VAC14: variants seen among roughly 807,000 people sequenced by gnomAD.
VAC14 encodes the protein protein VAC14 homolog.
VAC14 carries 47 observed loss-of-function variants against 85.3 expected under a neutral mutation model. The observed-to-expected ratio is 0.55, with a 90% confidence interval of 0.44 to 0.70. VAC14 has a LOEUF of 0.70. Ranked by LOEUF, VAC14 falls within the 30% of genes least tolerant of loss-of-function variation. VAC14 has a pLI of 0.00. For synonymous variants in VAC14, 447 were observed against 430.5 expected, an observed-to-expected ratio of 1.04 and a Z score of -0.47; for missense variants, 861 against 1,004.3, an observed-to-expected ratio of 0.86 and a Z score of 1.93.
At chr16:70,748,381 G>T (rs2031089843) in intron 12 of VAC14, among the ~76,000 whole-genome samples, 1 of 152,230 alleles carries the variant, frequency 6.6e-6, no homozygotes, top group Non-Finnish European at 1.5e-5. Context: ...GATAATACAG[G>T]GCGGGTGCCA....
intron 13 of VAC14, among the ~76,000 whole-genome samples, chr16:70,732,699 G>A (rs1197100286): frequency 1.3e-5 from 2 of 151,662 alleles, no homozygotes; most frequent in Admixed American, 6.6e-5. Flanking sequence ...CTGGAGTGCA[G>A]TGGTGTGATC....
intron 9 of VAC14, among the ~76,000 whole-genome samples, chr16:70,780,258 G>C (rs1315283794): frequency 6.6e-6 from 1 of 152,074 alleles, no homozygotes; most frequent in African/African-American, 2.4e-5. Context: ...GCACTTATTT[G>C]GGCAAGAGAA....
At chr16:70,793,101 G>A (rs2034407065) in intron 1 of VAC14, among the ~76,000 whole-genome samples, 1 of 152,108 alleles carries the variant, frequency 6.6e-6, no homozygotes, top group South Asian at 2.1e-4. Context: ...CAATTCCCTT[G>A]TGCAGAACTA....
chr16:70,692,835 C>T lies in VAC14; in HGVS notation c.2172G>A (p.Glu724=), dbSNP rs116408995. The part of the protein sequence containing the change: ...SHRLQCVPNP[E]LLQTEDSLKA... Reference sequence around the variant, plus strand: ...CCGGCACTCACTCGGTCTGCAGCAGCTCAGGGTTGGGCACGCACTGGAGCC... The same window carrying T: ...CCGGCACTCACTCGGTCTGCAGCAGTTCAGGGTTGGGCACGCACTGGAGCC... The change falls in exon 18 of 19, where the codon GAG becomes GAA. Residue 724 remains glutamate (E), a synonymous_variant. Coordinates refer to ENST00000261776, the MANE Select transcript of VAC14 (RefSeq NM_018052.5). 2,837 of 1,600,850 alleles carry T rather than the reference C, an allele frequency of 1.8e-3. 37 individuals carry two copies. In the African/African-American group the frequency reaches 0.033, roughly 19 times the overall value.
At chr16:70,748,002 G>A (rs113876038) in intron 12 of VAC14, 3,130 of 151,592 alleles carry the variant, frequency 0.021, 91 homozygotes, top group African/African-American at 0.07. Flanking sequence ...GGCTGTCCTC[G>A]CTCCCGGCCA....
At chr16:70,734,622 G>C (rs775722258) in intron 13 of VAC14, among the ~76,000 whole-genome samples, 1 of 152,148 alleles carries the variant, frequency 6.6e-6, no homozygotes, top group Non-Finnish European at 1.5e-5. Flanking sequence ...TATATACAGT[G>C]TGAGGAAAGG....
intron 9 of VAC14, chr16:70,778,400 A>G (rs1313031661): frequency 6.6e-6 from 1 of 152,062 alleles, no homozygotes; most frequent in African/African-American, 2.4e-5. Flanking sequence ...GTTGGGTTCT[A>G]ATTTAGAGGA....
intron 9 of VAC14, among the ~76,000 whole-genome samples, chr16:70,778,112 C>T (rs1309207564): frequency 6.6e-6 from 1 of 152,182 alleles, no homozygotes; most frequent in Non-Finnish European, 1.5e-5. Context: ...AAATCCAGAG[C>T]CAAGAGGCAT....
At chr16:70,690,132 G>T in intron 18 of VAC14, 1 of 985,752 alleles carries the variant, frequency 1.0e-6, no homozygotes, top group Admixed American at 6.1e-5. Context: ...GTGTGGCAGG[G>T]TTGGTCGGGG....
chr16:70,745,405 C>G (rs906068597), intron 12 of VAC14, among the ~76,000 whole-genome samples: 1 of 152,116 alleles, frequency 6.6e-6, no homozygotes, highest in Non-Finnish European at 1.5e-5. Context: ...GGCAGGGCGG[C>G]AAAGTCCAGC....
At chr16:70,798,397 G>C (rs565544539) in intron 1 of VAC14, among the ~76,000 whole-genome samples, 4 of 152,050 alleles carry the variant, frequency 2.6e-5, no homozygotes, top group Non-Finnish European at 4.4e-5. Context: ...GTTTGCTGAG[G>C]GTCACTTTGA....
At chr16:70,763,153 G>T in intron 10 of VAC14, 128 bp from the exon 11 acceptor site, 2 of 1,364,910 alleles carry the variant, frequency 1.5e-6, no homozygotes, top group Non-Finnish European at 2.0e-6. Flanking sequence ...AGGGGGATCG[G>T]GGGTCAGGGA....
intron 10 of VAC14, chr16:70,770,723 C>T (rs771722327): frequency 6.6e-6 from 1 of 152,238 alleles, no homozygotes; most frequent in African/African-American, 2.4e-5. Flanking sequence ...ATTCAGGGGC[C>T]AGCTCTTATC....
intron 13 of VAC14, among the ~76,000 whole-genome samples, chr16:70,732,989 A>T (rs1246172645): frequency 6.6e-6 from 1 of 152,152 alleles, no homozygotes; most frequent in African/African-American, 2.4e-5. Context: ...CTTTATTGAG[A>T]TATCATCCAT....
At position 70,780,838 on chromosome 16, in the gene VAC14, C is replaced by G. The variant is rs1362329601; in HGVS notation, c.1048G>C (p.Glu350Gln). ...GGCAGGGCATCGTCAGGGGTGGGCT[C>G]TGCCTGCCTCTGCCCAGGTCTCAGC... ...DELRPGQRQAEPTPDDALPKQ... is the reference protein window; with the variant it reads ...DELRPGQRQAQPTPDDALPKQ... The change falls in exon 9 of 19, where the codon GAG becomes CAG. Residue 350 changes from glutamate to glutamine, a missense_variant. Physicochemically the swap from Glu to Gln is conservative, Grantham distance 29. Around this residue, in one of 3 missense-constraint regions of VAC14, gnomAD observed 629 missense variants for 703.1 expected, o/e 0.89. Transcript: ENST00000261776. The G allele has an allele frequency of 6.2e-7, 1 of 1,613,332 alleles. No individual in the cohort carries two copies. Among genetic ancestry groups the G allele is most frequent in the South Asian group, 1.1e-5 (1 of 91,046 alleles).
In VAC14 at chr16:70,736,600, C is replaced by T. The variant is rs190666704; in HGVS notation, c.1529-4973G>A. Among the ~76,000 whole-genome samples the T allele has an allele frequency of 2.0e-5, 3 of 152,324 alleles. No homozygotes were observed. In the East Asian group the frequency reaches 5.8e-4, roughly 29 times the overall value. On this transcript the variant is annotated intron_variant, in intron 13 of 18. Coordinates refer to ENST00000261776, the MANE Select transcript of VAC14 (RefSeq NM_018052.5). The stretch of plus-strand genomic sequence containing the variant: ...ACTCTGAACTCCTTAGCCACAGCCC[C>T]TAGTGTGGACCCAAAATGGACTCTC...
chr16:70,703,029 A>C (rs1444741176), intron 14 of VAC14, among the ~76,000 whole-genome samples: 3 of 152,198 alleles, frequency 2.0e-5, no homozygotes, highest in Admixed American at 6.5e-5. Flanking sequence ...GACTTCCAGA[A>C]CCTGAGTTCT....
chr16:70,757,134 C>T (rs1003970497), intron 12 of VAC14, among the ~76,000 whole-genome samples: 6 of 152,138 alleles, frequency 3.9e-5, no homozygotes, highest in Non-Finnish European at 8.8e-5. Flanking sequence ...AAGGACGCCC[C>T]GGCTCTGAGA....
chr16:70,787,804 C>G (rs1383413798), intron 1 of VAC14, among the ~76,000 whole-genome samples: 2 of 152,204 alleles, frequency 1.3e-5, no homozygotes, highest in African/African-American at 4.8e-5. Context: ...GAGAACAGTA[C>G]AGCAGCGGGA....
Sources: gnomAD v4.1 joint callset for allele counts (sites outside exome capture counted in the v4.1 genomes callset) on GRCh38, gnomAD v4.1.1 for gene constraint, gnomAD v4.1.1 regional missense constraint, MANE v1.5 for transcripts, NCBI Gene and HGNC (gene_info 2026-07-23, HGNC 2026-07-21) for gene names.